Variants in MAF observed in about 807,000 individuals in gnomAD.
MAF encodes the protein MAF bZIP transcription factor.
MAF carries 10 observed loss-of-function variants against 22.0 expected under a neutral mutation model. That is an observed-to-expected ratio of 0.45 (90% CI 0.28 to 0.77). The LOEUF (loss-of-function observed/expected upper bound fraction) is 0.77, where lower values mean the gene tolerates loss of function less well. Ranked by LOEUF, MAF falls within the 30% of genes least tolerant of loss-of-function variation. The probability of loss-of-function intolerance (pLI) is 0.12; values close to 1 mark genes in which losing one functional copy is unlikely to be tolerated. For missense variants in MAF, 544 were observed against 548.4 expected (o/e 0.99, Z 0.08); for synonymous variants, 337 against 255.8 (o/e 1.32, Z -3.03).
At chr16:79,526,953 A>G in the MAF span, among the ~76,000 whole-genome samples, 1 of 152,222 alleles carries the variant, frequency 6.6e-6, no homozygotes, top group African/African-American at 2.4e-5. Flanking sequence ...TTGATTGTAA[A>G]GTTATATAAT....
chr16:79,404,854 C>A, the MAF span, among the ~76,000 whole-genome samples: 1 of 152,130 alleles, frequency 6.6e-6, no homozygotes, highest in Non-Finnish European at 1.5e-5. Flanking sequence ...TATTTTTTCC[C>A]CATTACAAAT....
chr16:79,232,408 C>G, the MAF span, among the ~76,000 whole-genome samples: 4 of 152,018 alleles, frequency 2.6e-5, no homozygotes, highest in African/African-American at 9.7e-5. Context: ...TTGGTAACAC[C>G]TGCAGCAGAT....
the MAF span, among the ~76,000 whole-genome samples, chr16:79,544,752 G>A: frequency 1.4e-4 from 19 of 131,410 alleles, no homozygotes; most frequent in African/African-American, 4.3e-4. Flanking sequence ...CAGCCTGGGC[G>A]ACAGAGCAAG....
At chr16:79,316,661 G>A in the MAF span, among the ~76,000 whole-genome samples, 1 of 152,128 alleles carries the variant, frequency 6.6e-6, no homozygotes, top group Non-Finnish European at 1.5e-5. Context: ...TGCCTTCAGA[G>A]GAAACAGAAA....
chr16:79,543,914 C>T, the MAF span, among the ~76,000 whole-genome samples: 70 of 152,064 alleles, frequency 4.6e-4, no homozygotes, highest in Non-Finnish European at 8.8e-4. Context: ...TCTCCATCTC[C>T]AGACCTCGTG....
At chr16:79,495,024 T>C in the MAF span, among the ~76,000 whole-genome samples, 1 of 152,196 alleles carries the variant, frequency 6.6e-6, no homozygotes. Context: ...AGCTTCCATT[T>C]TCCTCTCCAG....
At chr16:79,380,589 T>A in the MAF span, among the ~76,000 whole-genome samples, 1 of 152,232 alleles carries the variant, frequency 6.6e-6, no homozygotes, top group Non-Finnish European at 1.5e-5. Flanking sequence ...CTTTCCATTA[T>A]CATGGTTTGT....
At chr16:79,226,244 C>T in the MAF span, among the ~76,000 whole-genome samples, 1 of 152,132 alleles carries the variant, frequency 6.6e-6, no homozygotes, top group African/African-American at 2.4e-5. Flanking sequence ...ATGGATGAAG[C>T]TGAAAACCAA....
chr16:79,292,475 TA>T, the MAF span, among the ~76,000 whole-genome samples: 1 of 152,008 alleles, frequency 6.6e-6, no homozygotes, highest in Admixed American at 6.6e-5. Flanking sequence ...TGAGAAAGAG[TA>T]AATTTCTTTT....
At chr16:79,276,397 T>C in the MAF span, among the ~76,000 whole-genome samples, 1 of 152,160 alleles carries the variant, frequency 6.6e-6, no homozygotes, top group African/African-American at 2.4e-5. Context: ...TTACCCAGCG[T>C]TCTGTGGCCA....
At chr16:79,417,262 T>G in the MAF span, among the ~76,000 whole-genome samples, 2 of 152,146 alleles carry the variant, frequency 1.3e-5, no homozygotes, top group Non-Finnish European at 2.9e-5. Flanking sequence ...AAAAAGCCTG[T>G]GGTGAACTAC....
chr16:79,285,402 G>C, the MAF span, among the ~76,000 whole-genome samples: 1 of 152,034 alleles, frequency 6.6e-6, no homozygotes, highest in Admixed American at 6.6e-5. Flanking sequence ...GCTCCTTTAG[G>C]ATTAGGGACG....
the MAF span, chr16:79,516,019 G>C: frequency 8.7e-5 from 12 of 137,626 alleles, no homozygotes; most frequent in Non-Finnish European, 1.8e-4. Flanking sequence ...GAGAGATGAA[G>C]CTCCTGGCTC....
chr16:79,212,162 C>G, the MAF span: 3 of 1,494,820 alleles, frequency 2.0e-6, no homozygotes, highest in Non-Finnish European at 2.7e-6. Context: ...CAGCTACCAC[C>G]ACGGCCACCA....
chr16:79,420,696 C>T, the MAF span, among the ~76,000 whole-genome samples: 7 of 152,158 alleles, frequency 4.6e-5, no homozygotes, highest in Non-Finnish European at 1.0e-4. Context: ...CAGTCATCCG[C>T]GGTGAACCGC....
At chr16:79,342,224 C>G in the MAF span, among the ~76,000 whole-genome samples, 1 of 152,200 alleles carries the variant, frequency 6.6e-6, no homozygotes, top group Non-Finnish European at 1.5e-5. Flanking sequence ...AGCCCATTCC[C>G]ACCACACAGC....
At chr16:79,255,294 T>A in the MAF span, among the ~76,000 whole-genome samples, 1 of 152,246 alleles carries the variant, frequency 6.6e-6, no homozygotes. Flanking sequence ...CGACCTGTCA[T>A]GGTCCCTCTG....
chr16:79,563,419 G>A, the MAF span, among the ~76,000 whole-genome samples: 73 of 151,294 alleles, frequency 4.8e-4, no homozygotes, highest in Non-Finnish European at 8.2e-4. Flanking sequence ...CATCTTTATT[G>A]TTGTGGTCAA....
the MAF span, among the ~76,000 whole-genome samples, chr16:79,450,522 C>A: frequency 1.3e-5 from 2 of 152,184 alleles, no homozygotes; most frequent in Non-Finnish European, 2.9e-5. Context: ...TCCCCCAACC[C>A]CCTGGCCTGA....
Sources: allele counts gnomAD v4.1 joint callset (sites outside exome capture counted in the v4.1 genomes callset), GRCh38; gene constraint gnomAD v4.1.1; transcripts MANE v1.5; gene names NCBI Gene and HGNC (gene_info 2026-07-23, HGNC 2026-07-21).